The following CTNNA2 variants were observed in gnomAD, a reference collection of about 807,000 sequenced individuals.
CTNNA2 encodes catenin alpha 2.
CTNNA2 carries 42 observed loss-of-function variants against 101.0 expected under a neutral mutation model. The observed-to-expected ratio is 0.42, with a 90% CI of 0.32 to 0.54. The LOEUF (loss-of-function observed/expected upper bound fraction) is 0.54, where lower values mean the gene tolerates loss of function less well. Ranked by LOEUF, CTNNA2 falls within the 20% of genes least tolerant of loss-of-function variation. The pLI, the probability that CTNNA2 is intolerant of heterozygous loss-of-function variation, is 0.14. For synonymous variants in CTNNA2, 450 were observed against 456.4 expected (o/e 0.99, Z 0.18); for missense variants, 871 against 1,223.1 (o/e 0.71, Z 4.29).
chr2:80,423,999 G>C (rs1227512180), intron 9 of CTNNA2, among the ~76,000 whole-genome samples: 1 of 151,722 alleles, frequency 6.6e-6, no homozygotes, highest in African/African-American at 2.4e-5. Context: ...ACTGTCGCCT[G>C]GGCTGGAGTG....
intron 8 of CTNNA2, among the ~76,000 whole-genome samples, chr2:80,406,643 G>A (rs1180889694): frequency 2.0e-5 from 3 of 151,920 alleles, no homozygotes; most frequent in Non-Finnish European, 4.4e-5. Flanking sequence ...TGGCTAACGC[G>A]GTGAAACCCT....
intron 1 of CTNNA2, among the ~76,000 whole-genome samples, chr2:79,561,091 A>G (rs1430874083): frequency 1.3e-5 from 2 of 151,734 alleles, no homozygotes; most frequent in Non-Finnish European, 2.9e-5. Context: ...TCATTCTCCA[A>G]TTTTCTCATC....
intron 2 of CTNNA2, among the ~76,000 whole-genome samples, chr2:79,702,672 C>T (rs1236362359): frequency 6.6e-6 from 1 of 152,176 alleles, no homozygotes; most frequent in African/African-American, 2.4e-5. Flanking sequence ...TTCCTGGGAA[C>T]CGCTTTTACC....
Position 79,858,425 on chromosome 2 carries a change from C to T in CTNNA2, c.465+246C>T, listed in dbSNP as rs150419265. Among the ~76,000 whole-genome samples, 196 of 152,166 alleles carry T rather than the reference C, an allele frequency of 1.3e-3. 1 individual carries two copies. The highest frequency in any genetic ancestry group is 4.4e-3 in the African/African-American group (183 of 41,506). ...CTAAAAACTGAGAGTTTAGATTTCT[C>T]CTTACTTCCTGGAATGTGTAACAGT... is the stretch of plus-strand genomic sequence containing the variant. On this transcript the variant is annotated intron_variant, in intron 4 of 18. Coordinates refer to ENST00000402739, the MANE Select transcript of CTNNA2 (RefSeq NM_001282597.3).
intron 1 of CTNNA2, among the ~76,000 whole-genome samples, chr2:79,590,314 G>A (rs994518149): frequency 6.6e-6 from 1 of 151,886 alleles, no homozygotes; most frequent in Non-Finnish European, 1.5e-5. Context: ...TACTTTTCAG[G>A]GAATGAAACA....
intron 9 of CTNNA2, among the ~76,000 whole-genome samples, chr2:80,540,215 A>G (rs926605984): frequency 6.6e-6 from 1 of 152,134 alleles, no homozygotes; most frequent in East Asian, 1.9e-4. Flanking sequence ...AGGAGAAAAT[A>G]TTAGCTTTGA....
intron 7 of CTNNA2, among the ~76,000 whole-genome samples, chr2:79,987,221 C>G (rs1300721929): frequency 2.6e-5 from 4 of 152,176 alleles, no homozygotes; most frequent in Non-Finnish European, 5.9e-5. Flanking sequence ...TCAGGGTGAG[C>G]CTTTATCATG....
intron 7 of CTNNA2, among the ~76,000 whole-genome samples, chr2:80,251,178 T>C (rs1260697422): frequency 6.6e-6 from 1 of 152,318 alleles, no homozygotes; most frequent in East Asian, 1.9e-4. Context: ...ATGCAGGGCT[T>C]ATTAGAACCC....
intron 7 of CTNNA2, chr2:80,299,609 A>G (rs1321964632): frequency 6.6e-6 from 1 of 152,208 alleles, no homozygotes; most frequent in Admixed American, 6.5e-5. Flanking sequence ...GATCTTCTAC[A>G]TACATGATGT....
chr2:80,572,279 T>C (rs1694665752), intron 12 of CTNNA2, among the ~76,000 whole-genome samples: 1 of 152,220 alleles, frequency 6.6e-6, no homozygotes, highest in Non-Finnish European at 1.5e-5. Context: ...TTATCAGCAA[T>C]ATGGATTGCT....
intron 14 of CTNNA2, chr2:80,586,312 C>T (rs929877184): frequency 6.6e-6 from 1 of 152,156 alleles, no homozygotes; most frequent in African/African-American, 2.4e-5. Context: ...TTTCAGTGCA[C>T]AAATTAACCT....
At chr2:80,093,610 C>T (rs984134828) in intron 7 of CTNNA2, among the ~76,000 whole-genome samples, 6 of 152,136 alleles carry the variant, frequency 3.9e-5, no homozygotes, top group Admixed American at 3.3e-4. Context: ...AACTAGTTTA[C>T]AGTCCCACCA....
intron 7 of CTNNA2, among the ~76,000 whole-genome samples, chr2:80,065,451 C>G (rs375311197): frequency 1.1e-4 from 17 of 151,546 alleles, no homozygotes; most frequent in Non-Finnish European, 2.2e-4. Flanking sequence ...CTCTGCCTCA[C>G]GGGTTCATTC....
intron 2 of CTNNA2, among the ~76,000 whole-genome samples, chr2:79,711,229 G>A (rs1437993805): frequency 6.6e-6 from 1 of 152,130 alleles, no homozygotes; most frequent in African/African-American, 2.4e-5. Context: ...ATTTTTGTCT[G>A]GTGGGAATGA....
intron 3 of CTNNA2, among the ~76,000 whole-genome samples, chr2:79,813,281 GA>G (rs1677195697): frequency 6.6e-6 from 1 of 152,120 alleles, no homozygotes; most frequent in African/African-American, 2.4e-5. Flanking sequence ...TGCAAAAATA[GA>G]CATCAGAAGG....
At chr2:80,009,756 G>GTGTGTGTGTC (rs367758452) in intron 7 of CTNNA2, among the ~76,000 whole-genome samples, 46,143 of 147,276 alleles carry the variant, frequency 0.31, 7,529 homozygotes, top group East Asian at 0.46. Context: ...GTGTGTCAGA[G>GTGTGTGTGTC]AGAGAGACAG....
At chr2:80,544,520 C>A (rs969836586) in intron 9 of CTNNA2, among the ~76,000 whole-genome samples, 1 of 152,102 alleles carries the variant, frequency 6.6e-6, no homozygotes, top group Middle Eastern at 3.4e-3. Context: ...TCAGGCAGAT[C>A]GGGTATTTTG....
intron 9 of CTNNA2, among the ~76,000 whole-genome samples, chr2:80,495,514 A>T (rs1263361659): frequency 6.6e-6 from 1 of 152,202 alleles, no homozygotes; most frequent in Non-Finnish European, 1.5e-5. Flanking sequence ...AGAAATATTG[A>T]AGTATTAACC....
intron 7 of CTNNA2, among the ~76,000 whole-genome samples, chr2:80,057,653 G>A (rs1027295063): frequency 1.3e-5 from 2 of 152,130 alleles, no homozygotes; most frequent in Admixed American, 6.5e-5. Context: ...GGCAGCCTAC[G>A]TTCTGAGCCC....
Sources: gnomAD v4.1 joint callset for allele counts (sites outside exome capture counted in the v4.1 genomes callset) on GRCh38, gnomAD v4.1.1 for gene constraint, MANE v1.5 for transcripts, NCBI Gene and HGNC (gene_info 2026-07-23, HGNC 2026-07-21) for gene names.